Variants in MYPN observed in about 807,000 individuals in gnomAD.
MYPN encodes the protein myopalladin.
MYPN carries 63 observed loss-of-function variants against 129.4 expected under a neutral mutation model. The observed-to-expected ratio is 0.49, with a 90% CI of 0.40 to 0.60. The LOEUF (loss-of-function observed/expected upper bound fraction) is 0.60. Ranked by LOEUF, MYPN falls within the 20% of genes least tolerant of loss-of-function variation. The pLI, the probability that MYPN is intolerant of heterozygous loss-of-function variation, is 0.00. For missense variants in MYPN, 1,596 were observed against 1,635.4 expected (o/e 0.98, Z 0.42); for synonymous variants, 629 against 600.9 (o/e 1.05, Z -0.68).
intron 6 of MYPN, chr10:68,158,228 A>T (rs1326287006): frequency 4.4e-6 from 2 of 451,504 alleles, no homozygotes; most frequent in Non-Finnish European, 8.0e-6. Context: ...GTGGAAGAAG[A>T]TGACCATCCC....
intron 12 of MYPN, among the ~76,000 whole-genome samples, chr10:68,177,240 T>G (rs1270702872): frequency 3.3e-5 from 5 of 152,154 alleles, no homozygotes; most frequent in Admixed American, 3.3e-4. Flanking sequence ...CTCTTAAACC[T>G]CCATCATGAA....
intron 12 of MYPN, among the ~76,000 whole-genome samples, chr10:68,188,406 G>T (rs567360326): frequency 1.0e-5 from 1 of 100,294 alleles, no homozygotes; most frequent in Non-Finnish European, 2.1e-5. Flanking sequence ...CACCATGCCT[G>T]GCCTCTTTTT....
At chr10:68,127,324 T>TG in intron 2 of MYPN, among the ~76,000 whole-genome samples, 1 of 131,604 alleles carries the variant, frequency 7.6e-6, no homozygotes, top group Admixed American at 7.5e-5. Flanking sequence ...TATATCTTTT[T>TG]TTTTTTTTTT....
chr10:68,188,191 C>T (rs1252912560), intron 12 of MYPN, among the ~76,000 whole-genome samples: 1 of 152,128 alleles, frequency 6.6e-6, no homozygotes, highest in Non-Finnish European at 1.5e-5. Flanking sequence ...CTCACTGCAA[C>T]ATTTGCCTCC....
Position 68,174,171 on chromosome 10 carries a change from T to G in MYPN, c.2079T>G (p.Thr693=). Residue 693 remains threonine, a synonymous_variant, in exon 11 of 20, where the codon ACT becomes ACG. Coordinates refer to ENST00000358913, the MANE Select transcript of MYPN (RefSeq NM_032578.4). ...SSPKEFPFSM[T]VLNSNAPPAV... ...CTAAGGAGTTTCCTTTCAGCATGAC[T>G]GTTTTGAACTCCAATGCTCCCCCAG... 1 of 1,614,070 alleles carries G rather than the reference T, an allele frequency of 6.2e-7. No individual in the cohort carries two copies.
At chr10:68,150,504 T>C (rs114649114) in intron 6 of MYPN, among the ~76,000 whole-genome samples, 1,526 of 152,132 alleles carry the variant, frequency 0.01, 29 homozygotes, top group African/African-American at 0.035. Flanking sequence ...TCTTAGGAGG[T>C]TTAACATAAA....
chr10:68,105,584 T>C (rs989492056), upstream of MYPN, among the ~76,000 whole-genome samples: 1 of 152,220 alleles, frequency 6.6e-6, no homozygotes, highest in African/African-American at 2.4e-5. Flanking sequence ...TTGAAAAGTG[T>C]AAACTTTGAT....
At chr10:68,102,061 T>C (rs1338603457), upstream of MYPN, among the ~76,000 whole-genome samples, 4 of 151,850 alleles carry the variant, frequency 2.6e-5, no homozygotes, top group Non-Finnish European at 5.9e-5. Context: ...TACCAAAATA[T>C]TTGGTTTTCA....
upstream of MYPN, among the ~76,000 whole-genome samples, chr10:68,102,489 A>G (rs1157087964): frequency 3.3e-5 from 5 of 152,168 alleles, no homozygotes. Context: ...GAGTCTTTGT[A>G]TGGCAAACCA....
chr10:68,127,319 C>CTTT lies in MYPN; in HGVS notation c.902+5002_902+5004dup, dbSNP rs71470508. Among the ~76,000 whole-genome samples, 310 of 72,564 alleles carry CTTT rather than the reference C, an allele frequency of 4.3e-3. 5 individuals are homozygous for CTTT. Among genetic ancestry groups the CTTT allele is most frequent in the East Asian group, 0.01 (17 of 1,674 alleles). The allele number at this position is 72,564 out of a possible 152,430, so 47.6% of individuals were successfully genotyped here. A position where few individuals can be genotyped will look rare whatever the true frequency, so the allele number is the denominator to read the frequency against. On this transcript the variant is annotated intron_variant, in intron 2 of 19. Transcript: ENST00000358913. ...CATGCCCAGCCTGGGACACATATAT[C>CTTT]TTTTTTTTTTTTTTTTTTTTTTTTT... is the stretch of plus-strand genomic sequence containing the variant.
chr10:68,193,797 GCACACACACACACACACA>G (rs368376657), intron 13 of MYPN, among the ~76,000 whole-genome samples: 1 of 127,604 alleles, frequency 7.8e-6, no homozygotes, highest in Admixed American at 8.5e-5. Flanking sequence ...ATGTGTATGT[GCACACACACACACACACA>G]CACACACACA....
intron 13 of MYPN, among the ~76,000 whole-genome samples, chr10:68,190,340 C>T (rs1200377466): frequency 1.3e-5 from 2 of 152,110 alleles, no homozygotes; most frequent in Non-Finnish European, 2.9e-5. Context: ...GTGCCTGCCA[C>T]CACACCTGGC....
In MYPN at chr10:68,175,365, A is replaced by G. The variant is rs2043211522; in HGVS notation, c.2607A>G (p.Gln869=). The G allele has an allele frequency of 1.9e-5, 31 of 1,614,002 alleles. No homozygotes were observed. Among genetic ancestry groups the G allele is most frequent in the Non-Finnish European group, 2.5e-5 (30 of 1,179,988 alleles). The change falls in exon 12 of 20, where the codon CAA becomes CAG. Residue 869 remains glutamine, a synonymous_variant. Transcript: ENST00000358913. The stretch of plus-strand genomic sequence containing the variant: ...CGAAGAAAAATACAAAGTCTCCTCA[A>G]CCAGTGAATGATGATAACATTCGTG... The part of the protein sequence containing the change: ...GLAKKNTKSP[Q]PVNDDNIRET...
chr10:68,097,921 C>T (rs58389200), intron 1 of MYPN, among the ~76,000 whole-genome samples: 11,927 of 152,110 alleles, frequency 0.078, 1,234 homozygotes, highest in African/African-American at 0.24. Flanking sequence ...AGTTCATGTG[C>T]ATCATTATTC....
At position 68,174,382 on chromosome 10, in the gene MYPN, T is replaced by C; in HGVS notation, c.2290T>C (p.Leu764=). The C allele has an allele frequency of 6.2e-7, 1 of 1,614,174 alleles. No homozygotes were observed. ...GAGGACAGTGAGCAAAGAAAGCCTC[T>C]TAGTGTCTCACCCCTCTGTGCAAAC... The part of the protein sequence containing the change: ...IQRTVSKESL[L]VSHPSVQTKS... The change falls in exon 11 of 20, where the codon TTA becomes CTA. Residue 764 remains leucine (L), a synonymous_variant. Coordinates refer to ENST00000358913, the MANE Select transcript of MYPN (RefSeq NM_032578.4).
At position 68,166,853 on chromosome 10, in the gene MYPN, A is replaced by C. The variant is rs7905259; in HGVS notation, c.1973+187A>C. Among the ~76,000 whole-genome samples the C allele has an allele frequency of 0.4, 60,426 of 151,412 alleles. 13,759 individuals carry two copies. Among genetic ancestry groups the C allele is most frequent in the Non-Finnish European group, 0.52 (35,032 of 67,734 alleles). ...AGACCAGCCGGGGAAAAATAGTGAGACCTCTGTCTCTAAAAGAAAAATTTT... is the reference window on the plus strand; with the variant it reads ...AGACCAGCCGGGGAAAAATAGTGAGCCCTCTGTCTCTAAAAGAAAAATTTT... On this transcript the variant is annotated intron_variant, in intron 10 of 19. Coordinates refer to ENST00000358913, the MANE Select transcript of MYPN (RefSeq NM_032578.4).
intron 12 of MYPN, 108 bp downstream of exon 12, chr10:68,175,569 C>T: frequency 8.1e-7 from 1 of 1,233,340 alleles, no homozygotes; most frequent in Non-Finnish European, 1.2e-6. Context: ...GCTGATGTTG[C>T]AGCTCAGATG....
rs775245706 is a variant in MYPN, at chr10:68,210,544, T to C, written c.*89T>C. 3.9e-5 allele frequency: 59 copies of C among 1,499,494 alleles called. No homozygotes were observed. Among genetic ancestry groups the C allele is most frequent in the Non-Finnish European group, 5.0e-5 (54 of 1,086,272 alleles). 92.9% of individuals were successfully genotyped at this position (1,499,494 alleles called of 1,614,324 possible). ...CTTGGTGGTTTCCAAGCAACCGAAG[T>C]TGAGTAAGTTCCCACACTGCTGGAC... On this transcript the variant is annotated 3_prime_UTR_variant, in exon 20 of 20. Coordinates refer to ENST00000358913, the MANE Select transcript of MYPN (RefSeq NM_032578.4).
chr10:68,131,492 C>G (rs118047459), intron 2 of MYPN, among the ~76,000 whole-genome samples: 2,345 of 151,944 alleles, frequency 0.015, 25 homozygotes, highest in Middle Eastern at 0.031. Flanking sequence ...AAATACTGAG[C>G]TTTCATAGTC....
Sources: allele counts gnomAD v4.1 joint callset (sites outside exome capture counted in the v4.1 genomes callset), GRCh38; gene constraint gnomAD v4.1.1; transcripts MANE v1.5; gene names NCBI Gene and HGNC (gene_info 2026-07-23, HGNC 2026-07-21).